Variants in KRT33A observed in about 807,000 individuals in gnomAD.
KRT33A encodes keratin, type I cuticular Ha3-I.
A neutral mutation model predicts 41.1 loss-of-function variants in KRT33A; 44 were observed. That is an observed-to-expected ratio of 1.07 (90% confidence interval 0.84 to 1.38). The LOEUF is 1.38. Among genes scored for constraint, KRT33A ranks in the 40% most tolerant of loss-of-function variants. KRT33A has a pLI of 0.00. For missense variants in KRT33A, 536 were observed against 518.5 expected (o/e 1.03, Z -0.33); for synonymous variants, 229 against 227.8 (o/e 1.01, Z -0.05).
In KRT33A at chr17:41,348,646, T is replaced by C. The variant is rs2017459720; in HGVS notation, c.432-7A>G. 2 of 1,613,988 alleles carry C rather than the reference T, an allele frequency of 1.2e-6. No individual in the cohort carries two copies. Among genetic ancestry groups the C allele is most frequent in the Non-Finnish European group, 8.5e-7 (1 of 1,179,922 alleles). ...GGACAGCTCGGTCTCATATCTGTGA[T>C]CACAGGAGGGTCAGGAACAGGCTGG... On this transcript the variant is annotated splice_region_variant and splice_polypyrimidine_tract_variant and intron_variant, in intron 2 of 6. Coordinates refer to ENST00000007735, the MANE Select transcript of KRT33A (RefSeq NM_004138.4).
intron 3 of KRT33A, among the ~76,000 whole-genome samples, chr17:41,348,150 G>C (rs2017451573): frequency 6.6e-6 from 1 of 152,224 alleles, no homozygotes; most frequent in Admixed American, 6.5e-5. Flanking sequence ...GGCCATCCTG[G>C]CTTCTCCAGC....
chr17:41,346,250 A>G lies in KRT33A; in HGVS notation c.1098-14T>C, dbSNP rs1017310854. On this transcript the variant is annotated splice_polypyrimidine_tract_variant and intron_variant, in intron 6 of 6. Coordinates refer to ENST00000007735, the MANE Select transcript of KRT33A (RefSeq NM_004138.4). ...TTGGAGGGGAGCCTGTGGGCAGAAA[A>G]TCATTGGAGCAAGTTAGAGTAAAAT... 5 of 1,611,312 alleles carry G rather than the reference A, an allele frequency of 3.1e-6. No individual in the cohort carries two copies. The highest frequency in any genetic ancestry group is 2.7e-5 in the African/African-American group (2 of 74,868).
rs1597681245 is a variant in KRT33A, at chr17:41,348,198, T to C, written c.588+285A>G. On this transcript the variant is annotated intron_variant, in intron 3 of 6. Transcript: ENST00000007735. ...ATTGGAATAGAAGATTGCTGCTGCA[T>C]GCACTCTAACCTGGGCACAGGAGAG... Among the ~76,000 whole-genome samples the C allele has an allele frequency of 2.6e-5, 4 of 152,380 alleles. No individual in the cohort carries two copies. The East Asian group carries it at 7.7e-4, about 29-fold the overall frequency.
intron 5 of KRT33A, 31 bp from the exon 6 acceptor site, chr17:41,346,699 A>G: frequency 1.2e-6 from 2 of 1,613,524 alleles, no homozygotes; most frequent in East Asian, 4.5e-5. Context: ...AGTGTCAGAG[A>G]GCTGCTCCTT....
intron 2 of KRT33A, 127 bp from the exon 3 acceptor site, chr17:41,348,766 A>G: frequency 1.0e-6 from 1 of 1,004,260 alleles, no homozygotes; most frequent in Non-Finnish European, 1.5e-6. Flanking sequence ...TCTTTTGTTT[A>G]GGTTTTCAGC....
At chr17:41,349,045 C>T (rs1227201388) in intron 2 of KRT33A, among the ~76,000 whole-genome samples, 1 of 152,196 alleles carries the variant, frequency 6.6e-6, no homozygotes, top group Admixed American at 6.5e-5. Flanking sequence ...TATGCTTCCA[C>T]ATTCTCCATT....
At chr17:41,349,185 G>T (rs1366805632) in intron 2 of KRT33A, among the ~76,000 whole-genome samples, 161 bp downstream of exon 2, 1 of 152,212 alleles carries the variant, frequency 6.6e-6, no homozygotes, top group African/African-American at 2.4e-5. Context: ...CTGGGGAAAG[G>T]ATCTCTGAGC....
chr17:41,347,332 C>A, intron 3 of KRT33A, 110 bp from the exon 4 acceptor site: 1 of 1,299,244 alleles, frequency 7.7e-7, no homozygotes, highest in African/African-American at 1.5e-5. Context: ...AACTTTGTTC[C>A]CTCTGATCCT....
chr17:41,348,383 T>C, intron 3 of KRT33A, 100 bp downstream of exon 3: 1 of 1,208,760 alleles, frequency 8.3e-7, no homozygotes, highest in Non-Finnish European at 1.2e-6. Flanking sequence ...AATTACTTCC[T>C]CAGCTAATTG....
Position 41,348,581 on chromosome 17 carries a change from T to C in KRT33A, c.490A>G (p.Arg164Gly). 3.1e-6 allele frequency: 5 copies of C among 1,614,078 alleles called. No individual in the cohort carries two copies. Among genetic ancestry groups the C allele is most frequent in the Non-Finnish European group, 4.2e-6 (5 of 1,180,010 alleles). The change falls in exon 3 of 7, where the codon AGG (arginine) becomes GGG (glycine). Residue 164 changes from arginine to glycine, a missense_variant. Transcript: ENST00000007735. ...LVESDINGLR[R>G]ILDELTLCRS... ...CACAGGGTCAGCTCATCCAGGATCCTGCGCAGGCCATTGATGTCCGACTCC... is the reference window on the plus strand; with the variant it reads ...CACAGGGTCAGCTCATCCAGGATCCCGCGCAGGCCATTGATGTCCGACTCC...
rs776207277 is a variant in KRT33A at position 41,348,543 on chromosome 17, C to A, written c.528G>T (p.Leu176=). ...LDELTLCRSD[L]EAQVESLKEE... is the part of the protein sequence containing the mutation. ...CCTTCAGGGACTCCACCTGGGCCTCCAGGTCAGACCTGCACAGGGTCAGCT... is the reference window on the plus strand; with the variant it reads ...CCTTCAGGGACTCCACCTGGGCCTCAAGGTCAGACCTGCACAGGGTCAGCT... Residue 176 remains leucine, a synonymous_variant, in exon 3 of 7, where the codon CTG becomes CTT. Transcript: ENST00000007735. 2.5e-6 allele frequency: 4 copies of A among 1,613,882 alleles called. No homozygotes were observed. Among genetic ancestry groups the A allele is most frequent in the Non-Finnish European group, 3.4e-6 (4 of 1,180,014 alleles).
rs765855243 is a variant in KRT33A, at chr17:41,347,138, G to T, written c.673C>A (p.Leu225Met). The change falls in exon 4 of 7, where the codon CTG (leucine) becomes ATG (methionine). Residue 225 changes from leucine to methionine, a missense_variant. Transcript: ENST00000007735. ...AAPTVDLNQVLNETRSQYEAL... is the reference protein window; with the variant it reads ...AAPTVDLNQVMNETRSQYEAL... ...TCATACTGACTCCTGGTCTCATTCA[G>T]GACCTGGTTCAGGTCCACAGTGGGA... The T allele has an allele frequency of 6.2e-7, 1 of 1,614,218 alleles. No individual in the cohort carries two copies. The highest frequency in any genetic ancestry group is 8.5e-7 in the Non-Finnish European group (1 of 1,180,040).
At position 41,346,648 on chromosome 17, in the gene KRT33A, C is replaced by T. The variant is rs991602601; in HGVS notation, c.897G>A (p.Thr299=). The change falls in exon 6 of 7, where the codon ACG becomes ACA. Residue 299 remains threonine (T), a synonymous_variant. Coordinates refer to ENST00000007735, the MANE Select transcript of KRT33A (RefSeq NM_004138.4). ...QHNLRDSLEN[T]LTESEARYSS... ...TGTAGCGGGCCTCGCTCTCTGTCAG[C>T]GTGTTTTCCAGAGAGTCTCGCTGTG... 5 of 1,614,106 alleles carry T rather than the reference C, an allele frequency of 3.1e-6. No homozygotes were observed. Among genetic ancestry groups the T allele is most frequent in the African/African-American group, 1.3e-5 (1 of 74,940 alleles).
At chr17:41,346,291 G>C in intron 6 of KRT33A, 55 bp from the exon 7 acceptor site, 1 of 1,585,966 alleles carries the variant, frequency 6.3e-7, no homozygotes, top group East Asian at 2.2e-5. Context: ...GAAGAGATTG[G>C]AAAATACTAA....
At position 41,348,738 on chromosome 17, in the gene KRT33A, G is replaced by T. The variant is rs149298345; in HGVS notation, c.432-99C>A. On this transcript the variant is annotated intron_variant, in intron 2 of 6. Coordinates refer to ENST00000007735, the MANE Select transcript of KRT33A (RefSeq NM_004138.4). ...GTCAGGCAACTAGGAATTAGGGTTTGTAGTTTTTATAGCCATCTCTTTTGT... is the reference window on the plus strand; with the variant it reads ...GTCAGGCAACTAGGAATTAGGGTTTTTAGTTTTTATAGCCATCTCTTTTGT... The T allele has an allele frequency of 2.8e-3, 3,618 of 1,305,762 alleles. 24 individuals carry two copies. Among genetic ancestry groups the T allele is most frequent in the Middle Eastern group, 0.023 (123 of 5,290 alleles). The allele number at this position is 1,305,762 out of a possible 1,614,324, so 80.9% of individuals were successfully genotyped here.
chr17:41,349,426 G>A lies in KRT33A; in HGVS notation c.351C>T (p.Ile117=). 1 of 1,614,088 alleles carries A rather than the reference G, an allele frequency of 6.2e-7. No homozygotes were observed. The highest frequency in any genetic ancestry group is 8.5e-7 in the Non-Finnish European group (1 of 1,180,030). Residue 117 remains isoleucine, a splice_region_variant and synonymous_variant, in exon 2 of 7, where the codon ATC becomes ATT. Coordinates refer to ENST00000007735, the MANE Select transcript of KRT33A (RefSeq NM_004138.4). ...FKTIEELQQK[I]LCSKSENARL... ...TGGCATTCTCAGACTTGCTGCACAG[G>A]ATCTAGAAGGCCCAAAACATTCAAG...
chr17:41,348,390 A>G, intron 3 of KRT33A, 93 bp downstream of exon 3: 1 of 1,305,498 alleles, frequency 7.7e-7, no homozygotes, highest in Non-Finnish European at 1.1e-6. Context: ...TCCTCAGCTA[A>G]TTGAGCCTCT....
chr17:41,350,036 G>C (rs1196296311), intron 1 of KRT33A, among the ~76,000 whole-genome samples: 1 of 152,142 alleles, frequency 6.6e-6, no homozygotes, highest in African/African-American at 2.4e-5. Context: ...AGTCCAAGGG[G>C]CAAAAAGCTC....
At chr17:41,348,066 C>A (rs2017450423) in intron 3 of KRT33A, among the ~76,000 whole-genome samples, 1 of 152,246 alleles carries the variant, frequency 6.6e-6, no homozygotes, top group Non-Finnish European at 1.5e-5. Flanking sequence ...GAACAGCAAG[C>A]AGAAAGAGCT....
Sources: allele counts gnomAD v4.1 joint callset (sites outside exome capture counted in the v4.1 genomes callset), GRCh38; gene constraint gnomAD v4.1.1; transcripts MANE v1.5; gene names NCBI Gene and HGNC (gene_info 2026-07-23, HGNC 2026-07-21).